HPN: variants seen among roughly 807,000 people sequenced by gnomAD.
HPN encodes the protein serine protease hepsin.
HPN carries 13 observed loss-of-function variants against 55.9 expected under a neutral mutation model. That is an observed-to-expected ratio of 0.23 (90% CI 0.15 to 0.37). The LOEUF is 0.37. Ranked by LOEUF, HPN falls within the 10% of genes least tolerant of loss-of-function variation. The probability of loss-of-function intolerance (pLI) is 1.00; values close to 1 mark genes in which losing one functional copy is unlikely to be tolerated. For missense variants in HPN, 451 were observed against 575.8 expected (o/e 0.78, Z 2.22); for synonymous variants, 225 against 240.3 (o/e 0.94, Z 0.59).
At chr19:35,041,544 C>A (rs2064293341), upstream of HPN, 3 of 787,948 alleles carry the variant, frequency 3.8e-6, no homozygotes, top group Non-Finnish European at 4.6e-6. Flanking sequence ...CACATCCCCG[C>A]AGACAGGCAC....
At position 35,060,738 on chromosome 19, in the gene HPN, T is replaced by A. The variant is rs751078582; in HGVS notation, c.732T>A (p.Leu244=). The A allele has an allele frequency of 1.9e-6, 3 of 1,613,858 alleles. No individual in the cohort carries two copies. The African/African-American group carries it at 4.0e-5, about 22-fold the overall frequency. ...VQAVVYHGGY[L]PFRDPNSEEN... The stretch of plus-strand genomic sequence containing the variant: ...CTGTGGTCTACCACGGGGGCTATCT[T>A]CCCTTTCGGGACCCCAACAGCGAGG... The change falls in exon 9 of 13, where the codon CTT becomes CTA. Residue 244 remains leucine (L), a synonymous_variant. Coordinates refer to ENST00000672452, the MANE Select transcript of HPN (RefSeq NM_001384133.1).
At chr19:35,065,507 A>C (rs778973220) in intron 10 of HPN, 32 bp from the exon 11 acceptor site, 1 of 1,611,418 alleles carries the variant, frequency 6.2e-7, no homozygotes, top group Non-Finnish European at 8.5e-7. Context: ...TACACCCCCC[A>C]GCTCTGGCCA....
upstream of HPN, among the ~76,000 whole-genome samples, chr19:35,041,130 G>T (rs1035653205): frequency 6.6e-6 from 1 of 152,174 alleles, no homozygotes; most frequent in Non-Finnish European, 1.5e-5. Flanking sequence ...GTGTTTTCCC[G>T]GCCAAGCCCC....
intron 4 of HPN, among the ~76,000 whole-genome samples, chr19:35,054,428 A>AC (rs2064434958): frequency 6.6e-6 from 1 of 151,920 alleles, no homozygotes; most frequent in Non-Finnish European, 1.5e-5. Context: ...AAAAAAAAAA[A>AC]AAAAAACCGA....
chr19:35,051,407 C>T (rs2064404114), intron 4 of HPN, among the ~76,000 whole-genome samples: 2 of 152,316 alleles, frequency 1.3e-5, no homozygotes, highest in South Asian at 4.1e-4. Flanking sequence ...CCACACCCAA[C>T]CTCATTTTTT....
At chr19:35,043,253 T>G (rs892422363) in intron 2 of HPN, among the ~76,000 whole-genome samples, 2 of 148,510 alleles carry the variant, frequency 1.3e-5, no homozygotes, top group Non-Finnish European at 2.9e-5. Context: ...AGAGAGAGAC[T>G]GCGTCATGGA....
chr19:35,044,771 G>A (rs1258087380), intron 2 of HPN, among the ~76,000 whole-genome samples: 1 of 152,176 alleles, frequency 6.6e-6, no homozygotes, highest in Admixed American at 6.5e-5. Flanking sequence ...GGGAGTCACA[G>A]AGGGTTCTAT....
chr19:35,041,689 C>CG, upstream of HPN: 2 of 385,796 alleles, frequency 5.2e-6, no homozygotes, highest in Non-Finnish European at 7.2e-6. Context: ...CCCGCCCCTT[C>CG]ACCCGCCCCT....
At chr19:35,050,174 G>A (rs1055825768) in intron 4 of HPN, among the ~76,000 whole-genome samples, 5 of 152,202 alleles carry the variant, frequency 3.3e-5, no homozygotes, top group African/African-American at 9.6e-5. Flanking sequence ...CCAGGCTAGA[G>A]TGCAATGGTG....
intron 4 of HPN, 123 bp from the exon 5 acceptor site, chr19:35,059,550 T>C: frequency 7.9e-7 from 1 of 1,263,846 alleles, no homozygotes; most frequent in Non-Finnish European, 1.1e-6. Context: ...AACCCTCCGA[T>C]GGGCTGGGGT....
At chr19:35,041,688 T>TCCCCCCCCCC, upstream of HPN, 2 of 638,112 alleles carry the variant, frequency 3.1e-6, no homozygotes, top group Non-Finnish European at 2.0e-6. Context: ...CCCCGCCCCT[T>TCCCCCCCCCC]CACCCGCCCC....
chr19:35,041,670 C>T (rs993012917), upstream of HPN: 2 of 1,155,198 alleles, frequency 1.7e-6, no homozygotes, highest in African/African-American at 1.7e-5. Context: ...TCGAATGGTC[C>T]GGCCCCTCCC....
Position 35,065,966 on chromosome 19 carries a change from G to A in HPN, c.1149G>A (p.Leu383=). 3.1e-6 allele frequency: 5 copies of A among 1,613,690 alleles called. No homozygotes were observed. Among genetic ancestry groups the A allele is most frequent in the Non-Finnish European group, 4.2e-6 (5 of 1,180,024 alleles). Residue 383 remains leucine (L), a synonymous_variant, in exon 12 of 13, where the codon CTG becomes CTA. Coordinates refer to ENST00000672452, the MANE Select transcript of HPN (RefSeq NM_001384133.1). ...GIVSWGTGCA[L]AQKPGVYTKV... ...TGAGTTGGGGCACTGGCTGTGCCCT[G>A]GCCCAGAAGCCAGGCGTCTACACCA...
At chr19:35,048,570 T>C (rs2064371226) in intron 2 of HPN, among the ~76,000 whole-genome samples, 1 of 152,150 alleles carries the variant, frequency 6.6e-6, no homozygotes, top group Non-Finnish European at 1.5e-5. Context: ...TGCCTTAGGT[T>C]CCAGCTAGGA....
intron 4 of HPN, chr19:35,050,592 T>A: frequency 8.9e-7 from 1 of 1,123,512 alleles, no homozygotes; most frequent in Non-Finnish European, 1.2e-6. Context: ...AACTGTGGGA[T>A]GAATGAATGA....
chr19:35,041,675 C>CCAG, upstream of HPN: 1 of 1,121,900 alleles, frequency 8.9e-7, no homozygotes, highest in Non-Finnish European at 1.1e-6. Context: ...TGGTCCGGCC[C>CCAG]CTCCCCGCCC....
At position 35,059,730 on chromosome 19, in the gene HPN, G is replaced by A; in HGVS notation, c.218G>A (p.Trp73Ter). Reference protein sequence around the residue: ...LMVFDKTEGTWRLLCSSRSNA... With the variant: ...LMVFDKTEGT ...GTCTTTGACAAGACGGAAGGGACGT[G>A]GCGGCTGCTGTGCTCCTCGCGCTCC... is the stretch of plus-strand genomic sequence containing the variant. The change falls in exon 5 of 13, where the codon TGG (tryptophan) becomes TAG (stop). Residue 73 changes from tryptophan to a stop codon, truncating the protein, a stop_gained. Coordinates refer to ENST00000672452, the MANE Select transcript of HPN (RefSeq NM_001384133.1). LOFTEE classifies it high-confidence loss of function. 1.3e-6 allele frequency: 2 copies of A among 1,596,884 alleles called. No individual in the cohort carries two copies. The highest frequency in any genetic ancestry group is 1.7e-6 in the Non-Finnish European group (2 of 1,172,578).
At chr19:35,042,893 C>T (rs1232664657) in intron 2 of HPN, among the ~76,000 whole-genome samples, 1 of 152,178 alleles carries the variant, frequency 6.6e-6, no homozygotes, top group Non-Finnish European at 1.5e-5. Context: ...TTTGAATTTG[C>T]TCTTGCCATC....
At chr19:35,041,190 G>A (rs370020653), upstream of HPN, among the ~76,000 whole-genome samples, 535 of 152,324 alleles carry the variant, frequency 3.5e-3, 26 homozygotes, top group South Asian at 0.088. Flanking sequence ...AGGTCACCGC[G>A]GCCGGGCGGA....
Sources: gnomAD v4.1 joint callset for allele counts (sites outside exome capture counted in the v4.1 genomes callset) on GRCh38, gnomAD v4.1.1 for gene constraint, MANE v1.5 for transcripts, NCBI Gene and HGNC (gene_info 2026-07-23, HGNC 2026-07-21) for gene names.